The following FNDC3B variants were observed in gnomAD, a reference collection of about 807,000 sequenced individuals.
FNDC3B encodes fibronectin type III domain-containing protein 3B.
In FNDC3B, 12 loss-of-function variants were observed where a neutral mutation model predicts 151.5. The observed-to-expected ratio is 0.08, with a 90% CI of 0.05 to 0.13. FNDC3B has a LOEUF of 0.13. Ranked by LOEUF, FNDC3B falls within the 10% of genes least tolerant of loss-of-function variation. The pLI, the probability that FNDC3B is intolerant of heterozygous loss-of-function variation, is 1.00. For synonymous variants in FNDC3B, 528 were observed against 549.0 expected (o/e 0.96, Z 0.54); for missense variants, 1,214 against 1,505.3 (o/e 0.81, Z 3.20).
chr3:172,085,298 T>C (rs1480730764), intron 1 of FNDC3B, among the ~76,000 whole-genome samples: 1 of 152,202 alleles, frequency 6.6e-6, no homozygotes, highest in Non-Finnish European at 1.5e-5. Context: ...TAAAATAAGA[T>C]TTCTAGCTTT....
chr3:172,213,370 G>T (rs1725824936), intron 3 of FNDC3B, among the ~76,000 whole-genome samples: 1 of 152,186 alleles, frequency 6.6e-6, no homozygotes, highest in Non-Finnish European at 1.5e-5. Flanking sequence ...TTCTTTTACA[G>T]TTTAAGTCAT....
chr3:172,371,941 A>C (rs533800570), intron 23 of FNDC3B, among the ~76,000 whole-genome samples: 2 of 152,362 alleles, frequency 1.3e-5, no homozygotes, highest in South Asian at 4.1e-4. Flanking sequence ...TTTACATAGT[A>C]TTAAAAACAG....
intron 3 of FNDC3B, among the ~76,000 whole-genome samples, chr3:172,180,563 T>C (rs746447464): frequency 3.3e-5 from 5 of 152,146 alleles, no homozygotes; most frequent in Non-Finnish European, 5.9e-5. Flanking sequence ...CCTGTGTTAG[T>C]TGTGGGAATG....
intron 1 of FNDC3B, among the ~76,000 whole-genome samples, chr3:172,110,849 T>A (rs1228603965): frequency 6.6e-6 from 1 of 152,154 alleles, no homozygotes; most frequent in Non-Finnish European, 1.5e-5. Context: ...TACTTAGCAC[T>A]TTGGGAGGCC....
At chr3:172,254,726 G>A (rs1177725219) in intron 6 of FNDC3B, among the ~76,000 whole-genome samples, 2 of 152,154 alleles carry the variant, frequency 1.3e-5, no homozygotes, top group Admixed American at 1.3e-4. Context: ...AAACAGGCAT[G>A]ACAGAGGCCC....
chr3:172,149,806 GTTTTTTTTT>G (rs10561622), intron 3 of FNDC3B, among the ~76,000 whole-genome samples: 30 of 52,506 alleles, frequency 5.7e-4, no homozygotes, highest in African/African-American at 2.3e-3. Flanking sequence ...TATGTTGGGT[GTTTTTTTTT>G]TTTTTTTTTT....
intron 3 of FNDC3B, among the ~76,000 whole-genome samples, chr3:172,169,564 A>G (rs747597917): frequency 2.6e-5 from 4 of 152,232 alleles, no homozygotes; most frequent in East Asian, 1.9e-4. Flanking sequence ...CTACTTAGCC[A>G]GTATCAAGTA....
chr3:172,089,421 A>G (rs917516355), intron 1 of FNDC3B, among the ~76,000 whole-genome samples: 7 of 152,156 alleles, frequency 4.6e-5, no homozygotes, highest in East Asian at 1.9e-4. Context: ...ACAGGATGCA[A>G]TGTGGCACAG....
At chr3:172,336,922 A>AG (rs894883202) in intron 15 of FNDC3B, among the ~76,000 whole-genome samples, 1 of 151,888 alleles carries the variant, frequency 6.6e-6, no homozygotes, top group African/African-American at 2.4e-5. Flanking sequence ...AAAAAAAAAA[A>AG]CAAAAGAATC....
rs148853408 is a variant in FNDC3B, at chr3:172,398,492, C to T, written c.*1017C>T. 3 of 152,210 alleles carry T rather than the reference C, an allele frequency of 2.0e-5. No homozygotes were observed. Among genetic ancestry groups the T allele is most frequent in the Non-Finnish European group, 4.4e-5 (3 of 68,028 alleles). The allele number at this position is 152,210 out of a possible 1,614,324, so 9.4% of individuals were successfully genotyped here. A position where few individuals can be genotyped will look rare whatever the true frequency, so the allele number is the denominator to read the frequency against. ...TCAATGAAGTGATTGAATTTCAATA[C>T]CTTAATTCAGTGCACATAATACTAA... On this transcript the variant is annotated 3_prime_UTR_variant, in exon 26 of 26. Transcript: ENST00000415807.
At chr3:172,122,592 A>G (rs1167477087) in intron 2 of FNDC3B, among the ~76,000 whole-genome samples, 1 of 152,208 alleles carries the variant, frequency 6.6e-6, no homozygotes, top group Admixed American at 6.5e-5. Flanking sequence ...CTTTTTCCTT[A>G]ACAGGTGACC....
chr3:172,171,791 G>GAAA (rs5854462), intron 3 of FNDC3B, among the ~76,000 whole-genome samples: 9 of 142,644 alleles, frequency 6.3e-5, no homozygotes, highest in African/African-American at 2.3e-4. Context: ...ACTTTGAAAT[G>GAAA]AAAAAAAAAA....
At chr3:172,353,531 A>G (rs1395016970) in intron 22 of FNDC3B, among the ~76,000 whole-genome samples, 2 of 152,226 alleles carry the variant, frequency 1.3e-5, no homozygotes, top group Non-Finnish European at 2.9e-5. Flanking sequence ...TAGTTGTTTA[A>G]TGACTTCTAA....
At chr3:172,224,474 T>C (rs1246971104) in intron 3 of FNDC3B, among the ~76,000 whole-genome samples, 1 of 152,210 alleles carries the variant, frequency 6.6e-6, no homozygotes, top group Non-Finnish European at 1.5e-5. Flanking sequence ...TCCATGAATT[T>C]GGATTGAACG....
intron 1 of FNDC3B, among the ~76,000 whole-genome samples, chr3:172,071,295 G>T (rs1321856477): frequency 6.6e-6 from 1 of 152,062 alleles, no homozygotes; most frequent in East Asian, 1.9e-4. Flanking sequence ...CAACTAATTT[G>T]GAATTTTCAT....
intron 25 of FNDC3B, among the ~76,000 whole-genome samples, chr3:172,383,675 G>T (rs567290766): frequency 6.6e-6 from 1 of 152,146 alleles, no homozygotes; most frequent in South Asian, 2.1e-4. Context: ...GAGTAGCAAG[G>T]CTCTGTAAAT....
chr3:172,231,682 A>G (rs1484443818), intron 4 of FNDC3B, among the ~76,000 whole-genome samples: 1 of 152,102 alleles, frequency 6.6e-6, no homozygotes, highest in East Asian at 1.9e-4. Context: ...GGTTGGAACC[A>G]GGATTGCAGC....
At chr3:172,149,806 G>GTTTTTTTTTTTTTTTTT (rs10561622) in intron 3 of FNDC3B, among the ~76,000 whole-genome samples, 1 of 52,508 alleles carries the variant, frequency 1.9e-5, no homozygotes, top group African/African-American at 7.8e-5. Flanking sequence ...TATGTTGGGT[G>GTTTTTTTTTTTTTTTTT]TTTTTTTTTT....
chr3:172,329,154 A>G (rs1477917722), intron 12 of FNDC3B, 78 bp downstream of exon 12: 13 of 1,501,722 alleles, frequency 8.7e-6, no homozygotes, highest in Non-Finnish European at 1.2e-5. Flanking sequence ...GCTGGAAGGC[A>G]TGAGGAAGCC....
Sources: gnomAD v4.1 joint callset for allele counts (sites outside exome capture counted in the v4.1 genomes callset) on GRCh38, gnomAD v4.1.1 for gene constraint, MANE v1.5 for transcripts, NCBI Gene and HGNC (gene_info 2026-07-23, HGNC 2026-07-21) for gene names.